The following KLHL1 variants were observed in gnomAD, a reference collection of about 807,000 sequenced individuals.
KLHL1 encodes the protein kelch like family member 1, also known as kelch-like protein 1.
A neutral mutation model predicts 77.7 loss-of-function variants in KLHL1; 47 were observed. The ratio of observed to expected loss-of-function variants is 0.60; its 90% CI spans 0.48 to 0.77. The LOEUF is 0.77. Among genes scored for constraint, KLHL1 ranks in the 30% least tolerant of loss-of-function variants. KLHL1 has a pLI of 0.00. For missense variants in KLHL1, 925 were observed against 910.8 expected, an observed-to-expected ratio of 1.02 and a Z score of -0.20; for synonymous variants, 360 against 325.2, an observed-to-expected ratio of 1.11 and a Z score of -1.15.
chr13:70,026,437 G>T (rs1184846052), intron 1 of KLHL1, among the ~76,000 whole-genome samples: 1 of 151,850 alleles, frequency 6.6e-6, no homozygotes, highest in Non-Finnish European at 1.5e-5. Context: ...ATTTTACAAG[G>T]TTCTAATTTG....
At chr13:70,098,617 T>C (rs2137451453) in intron 1 of KLHL1, among the ~76,000 whole-genome samples, 1 of 151,992 alleles carries the variant, frequency 6.6e-6, no homozygotes, top group South Asian at 2.1e-4. Context: ...CATTTAGTAA[T>C]TATTAATAAA....
intron 6 of KLHL1, among the ~76,000 whole-genome samples, chr13:69,802,596 G>C (rs1398651900): frequency 2.6e-5 from 4 of 152,116 alleles, no homozygotes; most frequent in Non-Finnish European, 4.4e-5. Flanking sequence ...GTTATCTATA[G>C]AATACAGACA....
At chr13:69,780,685 C>CAT (rs1211073965) in intron 7 of KLHL1, among the ~76,000 whole-genome samples, 1,860 of 27,722 alleles carry the variant, frequency 0.067, 68 homozygotes, top group Non-Finnish European at 0.092. Flanking sequence ...TCTCTTTCTT[C>CAT]ATATATATAT....
At chr13:69,868,720 T>A (rs1039898621) in intron 5 of KLHL1, among the ~76,000 whole-genome samples, 11 of 151,364 alleles carry the variant, frequency 7.3e-5, no homozygotes, top group Admixed American at 4.0e-4. Flanking sequence ...AAAAGATAAT[T>A]TTTTTTTTGT....
chr13:69,719,724 A>C (rs1245619648), intron 8 of KLHL1, 143 bp from the exon 9 acceptor site: 1 of 627,414 alleles, frequency 1.6e-6, no homozygotes, highest in Admixed American at 3.1e-5. Context: ...TTTGTTAAAG[A>C]TACTCAATAA....
chr13:70,008,466 T>G (rs1885456334), intron 1 of KLHL1, among the ~76,000 whole-genome samples: 2 of 152,092 alleles, frequency 1.3e-5, no homozygotes, highest in Admixed American at 1.3e-4. Flanking sequence ...CGCCCCCATA[T>G]GTGGTACACT....
chr13:69,779,898 C>T (rs1336268754), intron 7 of KLHL1, among the ~76,000 whole-genome samples: 2 of 152,106 alleles, frequency 1.3e-5, no homozygotes, highest in African/African-American at 4.8e-5. Flanking sequence ...GCAACCTCCA[C>T]CTGCCAGGTT....
chr13:69,749,650 T>A (rs1272656344), intron 7 of KLHL1, among the ~76,000 whole-genome samples: 1 of 152,056 alleles, frequency 6.6e-6, no homozygotes, highest in East Asian at 1.9e-4. Flanking sequence ...CATAACTATA[T>A]CCAATGAAGA....
chr13:69,780,719 T>TATATAC (rs1876123292), intron 7 of KLHL1, among the ~76,000 whole-genome samples: 1 of 59,624 alleles, frequency 1.7e-5, no homozygotes, highest in Non-Finnish European at 3.6e-5. Context: ...TATATATGTA[T>TATATAC]ATATATATAT....
At chr13:70,002,305 G>A (rs1462822381) in intron 1 of KLHL1, among the ~76,000 whole-genome samples, 1 of 151,560 alleles carries the variant, frequency 6.6e-6, no homozygotes, top group Non-Finnish European at 1.5e-5. Flanking sequence ...TGATTAATGT[G>A]TTCAATAATT....
chr13:70,065,220 C>A (rs1379389618), intron 1 of KLHL1, among the ~76,000 whole-genome samples: 4 of 152,132 alleles, frequency 2.6e-5, no homozygotes, highest in Admixed American at 6.5e-5. Flanking sequence ...GCATACATTA[C>A]CAAAGGCCAA....
intron 4 of KLHL1, among the ~76,000 whole-genome samples, chr13:69,904,415 C>T (rs1047803821): frequency 2.0e-5 from 3 of 152,102 alleles, no homozygotes; most frequent in African/African-American, 4.8e-5. Context: ...AAATCTCCAA[C>T]GTTCTCATTT....
intron 1 of KLHL1, among the ~76,000 whole-genome samples, chr13:70,048,012 T>A (rs1382833201): frequency 2.6e-5 from 4 of 152,184 alleles, no homozygotes; most frequent in African/African-American, 4.8e-5. Flanking sequence ...AAGCCTAAGA[T>A]ATGTTTTCAT....
intron 5 of KLHL1, among the ~76,000 whole-genome samples, chr13:69,852,818 G>T (rs964736139): frequency 1.3e-5 from 2 of 151,910 alleles, no homozygotes; most frequent in Admixed American, 1.3e-4. Context: ...TAAAGTTTAG[G>T]TATGAAATGA....
intron 1 of KLHL1, among the ~76,000 whole-genome samples, chr13:70,096,670 C>T (rs946553201): frequency 1.3e-5 from 2 of 150,706 alleles, no homozygotes; most frequent in African/African-American, 4.9e-5. Context: ...GAAATCTTAG[C>T]AATTTTTGAC....
intron 1 of KLHL1, among the ~76,000 whole-genome samples, chr13:69,989,835 T>A (rs1437748746): frequency 6.6e-6 from 1 of 152,038 alleles, no homozygotes; most frequent in Non-Finnish European, 1.5e-5. Context: ...TTGCTGAAGT[T>A]GCTTATCAGC....
chr13:70,097,179 C>G (rs1429914677), intron 1 of KLHL1, among the ~76,000 whole-genome samples: 2 of 151,868 alleles, frequency 1.3e-5, no homozygotes, highest in Admixed American at 1.3e-4. Context: ...ATTTTGCAAC[C>G]ATTCCATTTT....
chr13:69,905,413 T>G (rs909566243), intron 4 of KLHL1, among the ~76,000 whole-genome samples: 1 of 152,096 alleles, frequency 6.6e-6, no homozygotes, highest in African/African-American at 2.4e-5. Context: ...GACCAAATGC[T>G]GGCATTAGTT....
chr13:69,908,689 T>C (rs1399235417), intron 4 of KLHL1, among the ~76,000 whole-genome samples: 1 of 151,620 alleles, frequency 6.6e-6, no homozygotes, highest in Non-Finnish European at 1.5e-5. Context: ...TGAATTTCCA[T>C]AGCTTATGTA....
Sources: allele counts gnomAD v4.1 joint callset (sites outside exome capture counted in the v4.1 genomes callset), GRCh38; gene constraint gnomAD v4.1.1; transcripts MANE v1.5; gene names NCBI Gene and HGNC (gene_info 2026-07-23, HGNC 2026-07-21).